The following CFAP96 variants were observed in gnomAD, a reference collection of about 807,000 sequenced individuals.
CFAP96 encodes cilia-and flagella-associated protein 96.
the CFAP96 span, among the ~76,000 whole-genome samples, chr4:185,420,354 C>T: frequency 6.6e-6 from 1 of 152,066 alleles, no homozygotes; most frequent in Non-Finnish European, 1.5e-5. Context: ...AACATTTTTA[C>T]GTTTCCAAAG....
the CFAP96 span, among the ~76,000 whole-genome samples, chr4:185,443,593 C>T: frequency 0.87 from 131,011 of 150,596 alleles, 57,442 homozygotes; most frequent in East Asian, 0.99. Flanking sequence ...AGGTGATCCA[C>T]CTGATTCGGC....
chr4:185,412,770 TGA>T, the CFAP96 span, among the ~76,000 whole-genome samples: 1 of 151,890 alleles, frequency 6.6e-6, no homozygotes, highest in Admixed American at 6.6e-5. Flanking sequence ...ACGGAGTCCT[TGA>T]GAGAGACTGA....
At chr4:185,415,035 A>G in the CFAP96 span, 3 of 854,546 alleles carry the variant, frequency 3.5e-6, no homozygotes, top group African/African-American at 5.4e-5. Context: ...TGAATAGTCT[A>G]AATTCCACAC....
chr4:185,443,350 T>A, the CFAP96 span, among the ~76,000 whole-genome samples: 17 of 80,158 alleles, frequency 2.1e-4, no homozygotes, highest in African/African-American at 6.4e-4. Flanking sequence ...ATATTTTTTT[T>A]TTTTTTTTTT....
chr4:185,412,057 A>G, the CFAP96 span, among the ~76,000 whole-genome samples: 2 of 150,930 alleles, frequency 1.3e-5, no homozygotes, highest in South Asian at 4.2e-4. Context: ...GGGAAAGAGC[A>G]CAGACTGGTA....
At chr4:185,440,604 G>A in the CFAP96 span, 1 of 1,536,112 alleles carries the variant, frequency 6.5e-7, no homozygotes, top group Non-Finnish European at 8.8e-7. Context: ...CTTCACCCAA[G>A]GGACTATTTT....
chr4:185,431,846 A>G, the CFAP96 span: 1 of 689,340 alleles, frequency 1.5e-6, no homozygotes, highest in Non-Finnish European at 2.4e-6. Flanking sequence ...GCTTTCAGGG[A>G]ATGTTTTGAA....
chr4:185,431,519 G>A, the CFAP96 span, among the ~76,000 whole-genome samples: 1 of 152,168 alleles, frequency 6.6e-6, no homozygotes, highest in Non-Finnish European at 1.5e-5. Context: ...TCTTGTTAAT[G>A]TCTTTTAGTG....
At chr4:185,421,270 G>A in the CFAP96 span, among the ~76,000 whole-genome samples, 277 of 152,304 alleles carry the variant, frequency 1.8e-3, 1 homozygote, top group South Asian at 4.4e-3. Flanking sequence ...TCCCTTCCAC[G>A]GGGCTAGTAA....
At chr4:185,425,816 C>T in the CFAP96 span, 3 of 1,588,542 alleles carry the variant, frequency 1.9e-6, no homozygotes, top group Admixed American at 5.4e-5. Context: ...GTGGCGGCTG[C>T]CAAAGTCCGG....
chr4:185,418,697 C>T, the CFAP96 span: 3 of 1,613,820 alleles, frequency 1.9e-6, no homozygotes, highest in Admixed American at 1.7e-5. Context: ...AAATTCTGAA[C>T]ACAAGGGCGT....
chr4:185,448,314 G>A, the CFAP96 span, among the ~76,000 whole-genome samples: 1 of 152,168 alleles, frequency 6.6e-6, no homozygotes, highest in Non-Finnish European at 1.5e-5. Flanking sequence ...GATTACAGGC[G>A]TGAGCCACTG....
the CFAP96 span, among the ~76,000 whole-genome samples, chr4:185,432,674 G>T: frequency 6.6e-6 from 1 of 151,972 alleles, no homozygotes; most frequent in East Asian, 1.9e-4. Context: ...ACCAGCCTGG[G>T]CAATATAGAG....
At chr4:185,443,201 T>A in the CFAP96 span, among the ~76,000 whole-genome samples, 1 of 151,250 alleles carries the variant, frequency 6.6e-6, no homozygotes, top group African/African-American at 2.4e-5. Context: ...CATTTCTTTC[T>A]CCATCTGTTT....
the CFAP96 span, chr4:185,422,523 C>T: frequency 6.2e-6 from 10 of 1,611,506 alleles, no homozygotes; most frequent in Non-Finnish European, 7.6e-6. Flanking sequence ...ATCAAGGCCT[C>T]CTCTTATTCT....
At chr4:185,432,078 T>C in the CFAP96 span, 568 of 1,551,718 alleles carry the variant, frequency 3.7e-4, 3 homozygotes, top group Middle Eastern at 3.3e-3. Flanking sequence ...GATCCCCATT[T>C]TGTAAGGATT....
the CFAP96 span, chr4:185,425,966 C>T: frequency 9.1e-6 from 13 of 1,426,744 alleles, no homozygotes; most frequent in South Asian, 1.2e-5. Flanking sequence ...GGGCGGGGCC[C>T]GGGCGGACCA....
the CFAP96 span, among the ~76,000 whole-genome samples, chr4:185,433,280 A>C: frequency 6.6e-6 from 1 of 151,954 alleles, no homozygotes; most frequent in Non-Finnish European, 1.5e-5. Flanking sequence ...CTGTAGTCCC[A>C]GCTACTCAGG....
chr4:185,415,427 T>A, the CFAP96 span: 1 of 1,276,908 alleles, frequency 7.8e-7, no homozygotes, highest in Non-Finnish European at 1.1e-6. Flanking sequence ...AATATATCCT[T>A]AGTATAGTAA....
Sources: gnomAD v4.1 joint callset for allele counts (sites outside exome capture counted in the v4.1 genomes callset) on GRCh38, gnomAD v4.1.1 for gene constraint, MANE v1.5 for transcripts, NCBI Gene and HGNC (gene_info 2026-07-23, HGNC 2026-07-21) for gene names.